The following PTCD2 variants were observed in gnomAD, a reference collection of about 807,000 sequenced individuals.
PTCD2 encodes the protein pentatricopeptide repeat-containing protein 2, mitochondrial.
In PTCD2, 31 loss-of-function variants were observed where a neutral mutation model predicts 42.6. The ratio of observed to expected loss-of-function variants is 0.73; its 90% CI spans 0.55 to 0.98. The LOEUF (loss-of-function observed/expected upper bound fraction) is 0.98. Among genes scored for constraint, PTCD2 ranks in the 50% least tolerant of loss-of-function variants. The pLI, the probability that PTCD2 is intolerant of heterozygous loss-of-function variation, is 0.00. For missense variants in PTCD2, 476 were observed against 454.8 expected (o/e 1.05, Z -0.42); for synonymous variants, 183 against 170.9 (o/e 1.07, Z -0.55).
intron 8 of PTCD2, among the ~76,000 whole-genome samples, chr5:72,345,026 C>G (rs1013005015): frequency 6.6e-6 from 1 of 152,108 alleles, no homozygotes; most frequent in Non-Finnish European, 1.5e-5. Flanking sequence ...AGCAGACAAC[C>G]GGTCTGACCA....
intron 5 of PTCD2, 51 bp downstream of exon 5, chr5:72,335,147 A>C: frequency 9.4e-7 from 1 of 1,058,368 alleles, no homozygotes; most frequent in Non-Finnish European, 1.5e-6. Context: ...GTTTGCTGGC[A>C]TAGGAACTAG....
At chr5:72,344,182 G>A (rs1237549193) in intron 8 of PTCD2, among the ~76,000 whole-genome samples, 2 of 152,112 alleles carry the variant, frequency 1.3e-5, no homozygotes, top group Admixed American at 6.5e-5. Context: ...GGTGTTATTT[G>A]TTGGGATATT....
At chr5:72,335,744 C>A in intron 5 of PTCD2, 50 bp from the exon 6 acceptor site, 1 of 1,211,770 alleles carries the variant, frequency 8.3e-7, no homozygotes, top group Non-Finnish European at 1.2e-6. Context: ...GCTTTGGGGG[C>A]CAACAGTAGA....
intron 8 of PTCD2, among the ~76,000 whole-genome samples, chr5:72,348,686 C>CA (rs1752479467): frequency 6.6e-6 from 1 of 152,184 alleles, no homozygotes; most frequent in South Asian, 2.1e-4. Context: ...CTGAAAATAG[C>CA]AGAGACCAGT....
chr5:72,326,586 G>T, intron 2 of PTCD2, 26 bp from the exon 3 acceptor site: 1 of 1,613,134 alleles, frequency 6.2e-7, no homozygotes, highest in Non-Finnish European at 8.5e-7. Flanking sequence ...CCTGAGTGAT[G>T]GTCACCATAC....
At chr5:72,321,175 T>A (rs1180401576) in intron 1 of PTCD2, 1 of 152,298 alleles carries the variant, frequency 6.6e-6, no homozygotes, top group Non-Finnish European at 1.5e-5. Context: ...CTAAAAGACT[T>A]AACGGCACGT....
At chr5:72,338,031 T>C (rs1372073469) in intron 6 of PTCD2, among the ~76,000 whole-genome samples, 2 of 152,226 alleles carry the variant, frequency 1.3e-5, no homozygotes, top group Non-Finnish European at 2.9e-5. Flanking sequence ...ACAGCCAGGC[T>C]GCTGTCATAA....
Position 72,367,998 on chromosome 5 carries a change from C to G in PTCD2, c.*9571C>G, listed in dbSNP as rs999052153. On this transcript the variant is annotated 3_prime_UTR_variant, in exon 10 of 10. Transcript: ENST00000380639. ...ACCCTTAGAGTCAAAATATCAAATT[C>G]AGTGGGCCATGAGTCTTGCCCAAAA... The G allele has an allele frequency of 1.6e-4, 25 of 152,200 alleles. No homozygotes were observed. The highest frequency in any genetic ancestry group is 6.0e-4 in the African/African-American group (25 of 41,448). The allele number at this position is 152,200 out of a possible 1,614,324, so 9.4% of individuals were successfully genotyped here. A position where few individuals can be genotyped will look rare whatever the true frequency, so the allele number is the denominator to read the frequency against.
rs755772289 is a variant in PTCD2 at position 72,358,352 on chromosome 5, C to A, written c.1092C>A (p.His364Gln). Residue 364 changes from histidine to glutamine, a missense_variant, in exon 10 of 10, where the codon CAC (histidine) becomes CAA (glutamine). Transcript: ENST00000380639. ...ACACCCCCAGGGACAGGAAATCTCA[C>A]ACGTTGCTATTAAACAAGAGGATGG... The part of the protein sequence containing the change: ...LCHTPRDRKS[H>Q]TLLLNKRMVS... 14 of 1,614,052 alleles carry A rather than the reference C, an allele frequency of 8.7e-6. No homozygotes were observed. In the Admixed American group the frequency reaches 2.2e-4, roughly 25 times the overall value.
chr5:72,357,573 G>T (rs1752938083), intron 9 of PTCD2, among the ~76,000 whole-genome samples: 1 of 152,000 alleles, frequency 6.6e-6, no homozygotes, highest in Non-Finnish European at 1.5e-5. Flanking sequence ...AAAACTTATT[G>T]TGGAATATAT....
Position 72,338,543 on chromosome 5 carries a change from A to G in PTCD2, c.640-79A>G, listed in dbSNP as rs1751875303. The G allele has an allele frequency of 1.7e-5, 11 of 656,314 alleles. No individual in the cohort carries two copies. The South Asian group carries it at 3.1e-4, about 18-fold the overall frequency. 40.7% of individuals were successfully genotyped at this position (656,314 alleles called of 1,614,324 possible). On this transcript the variant is annotated intron_variant, in intron 6 of 9. Transcript: ENST00000380639. Reference sequence around the variant, plus strand: ...CTAGGAAATCCTTACAAAAGGAACTATAAATACTGAGCACTATTAATCATT... The same window carrying G: ...CTAGGAAATCCTTACAAAAGGAACTGTAAATACTGAGCACTATTAATCATT...
chr5:72,344,332 C>T (rs1444463621), intron 8 of PTCD2, among the ~76,000 whole-genome samples: 2 of 152,002 alleles, frequency 1.3e-5, no homozygotes, highest in Admixed American at 6.6e-5. Context: ...GCCAACATGG[C>T]GAAACCCCAT....
intron 8 of PTCD2, among the ~76,000 whole-genome samples, chr5:72,350,796 T>C (rs1374605323): frequency 6.6e-6 from 1 of 152,200 alleles, no homozygotes; most frequent in African/African-American, 2.4e-5. Context: ...ACATAGCTGG[T>C]TTAATATAAA....
At chr5:72,328,228 G>A (rs1380417875) in intron 3 of PTCD2, among the ~76,000 whole-genome samples, 1 of 152,216 alleles carries the variant, frequency 6.6e-6, no homozygotes, top group Admixed American at 6.5e-5. Context: ...GTTGGTGTCA[G>A]ATGAAGCCAC....
intron 3 of PTCD2, among the ~76,000 whole-genome samples, chr5:72,327,994 T>A (rs2112135483): frequency 6.6e-6 from 1 of 152,244 alleles, no homozygotes; most frequent in Non-Finnish European, 1.5e-5. Context: ...TTTTATAACA[T>A]GAAAAAAATG....
intron 2 of PTCD2, among the ~76,000 whole-genome samples, chr5:72,325,337 T>C (rs1415705455): frequency 6.6e-6 from 1 of 152,230 alleles, no homozygotes; most frequent in Non-Finnish European, 1.5e-5. Flanking sequence ...CTAAATCCTC[T>C]TAGATCTAAC....
chr5:72,358,316 T>C lies in PTCD2; in HGVS notation c.1056T>C (p.Ala352=). The C allele has an allele frequency of 6.2e-7, 1 of 1,614,094 alleles. No individual in the cohort carries two copies. Among genetic ancestry groups the C allele is most frequent in the South Asian group, 1.1e-5 (1 of 91,082 alleles). Residue 352 remains alanine, a synonymous_variant, in exon 10 of 10, where the codon GCT becomes GCC. Coordinates refer to ENST00000380639, the MANE Select transcript of PTCD2 (RefSeq NM_024754.5). ...TGQVTTDSLD[A]VLCHTPRDRK... is the part of the protein sequence containing the mutation. ...AGGTCACCACTGATTCTTTGGATGC[T>C]GTGCTCTGCCACACCCCCAGGGACA...
chr5:72,352,795 G>T (rs916101575), intron 9 of PTCD2, 41 bp downstream of exon 9: 1 of 1,027,026 alleles, frequency 9.7e-7, no homozygotes, highest in Admixed American at 2.1e-5. Context: ...AAAAGTGAAA[G>T]GACACTCTTA....
intron 2 of PTCD2, among the ~76,000 whole-genome samples, chr5:72,325,188 G>C (rs1751074258): frequency 6.6e-6 from 1 of 152,206 alleles, no homozygotes; most frequent in South Asian, 2.1e-4. Context: ...CTCCCAAAGT[G>C]CTGGGATTAC....
Sources: gnomAD v4.1 joint callset for allele counts (sites outside exome capture counted in the v4.1 genomes callset) on GRCh38, gnomAD v4.1.1 for gene constraint, MANE v1.5 for transcripts, NCBI Gene and HGNC (gene_info 2026-07-23, HGNC 2026-07-21) for gene names.